Variants in PCDH15 observed in about 807,000 individuals in gnomAD.
PCDH15 encodes protocadherin-15.
PCDH15 carries 129 observed loss-of-function variants against 178.5 expected under a neutral mutation model. The ratio of observed to expected loss-of-function variants is 0.72; its 90% CI spans 0.63 to 0.84. The LOEUF is 0.84. Ranked by LOEUF, PCDH15 falls within the 40% of genes least tolerant of loss-of-function variation. The pLI, the probability that PCDH15 is intolerant of heterozygous loss-of-function variation, is 0.00. For synonymous variants in PCDH15, 800 were observed against 732.0 expected, an observed-to-expected ratio of 1.09 and a Z score of -1.50; for missense variants, 2,230 against 2,099.9, an observed-to-expected ratio of 1.06 and a Z score of -1.21.
intron 28 of PCDH15, among the ~76,000 whole-genome samples, chr10:53,850,002 G>C (rs1176158152): frequency 6.6e-6 from 1 of 151,380 alleles, no homozygotes; most frequent in Non-Finnish European, 1.5e-5. Flanking sequence ...TTGTGACTTT[G>C]AGCCATGTGA....
At position 54,358,570 on chromosome 10, in the gene PCDH15, A is replaced by G. The variant is rs552462862; in HGVS notation, c.474+10550T>C. On this transcript the variant is annotated intron_variant, in intron 5 of 37. Coordinates refer to ENST00000644397, the MANE Select transcript of PCDH15 (RefSeq NM_001384140.1). ...ACTTTTACACTGTTGGTGGGACTGT[A>G]AACTAGTTCAACCATTGTGGAAGTC... 2.1e-4 allele frequency among the ~76,000 whole-genome samples: 32 copies of G among 151,946 alleles called. 1 individual carries two copies. The South Asian group carries it at 5.6e-3, about 27-fold the overall frequency.
intron 1 of PCDH15, among the ~76,000 whole-genome samples, chr10:55,260,498 A>T (rs542318477): frequency 0.03 from 4,562 of 152,304 alleles, 122 homozygotes; most frequent in African/African-American, 0.077. Flanking sequence ...TTCAAATACT[A>T]ATAAATTAGT....
intron 2 of PCDH15, among the ~76,000 whole-genome samples, chr10:54,956,966 C>T (rs1838506799): frequency 6.6e-6 from 1 of 151,606 alleles, no homozygotes; most frequent in Non-Finnish European, 1.5e-5. Flanking sequence ...CAAAGCTGAA[C>T]CACTGTGTTA....
At chr10:54,527,734 A>G (rs1040160058) in intron 3 of PCDH15, 78 bp downstream of exon 3, 21 of 1,250,394 alleles carry the variant, frequency 1.7e-5, no homozygotes, top group Admixed American at 3.7e-5. Context: ...TAGTACCTCT[A>G]CTCATAGTAG....
At chr10:54,297,667 T>C (rs1168563099) in intron 8 of PCDH15, among the ~76,000 whole-genome samples, 1 of 152,170 alleles carries the variant, frequency 6.6e-6, no homozygotes, top group Non-Finnish European at 1.5e-5. Context: ...CTATTGGTTC[T>C]GTCCCCTTTA....
chr10:55,061,363 A>G lies in PCDH15; in HGVS notation c.-80+105213T>C, dbSNP rs1444506287. On this transcript the variant is annotated intron_variant, in intron 2 of 5. Transcript: ENST00000458638. ...CAAATTAGAACAACAAGTAGATGCT[A>G]CTATATACATTTTGGAATGGTCAAA... 7.9e-5 allele frequency among the ~76,000 whole-genome samples: 12 copies of G among 152,198 alleles called. No individual in the cohort carries two copies. In the South Asian group the frequency reaches 1.9e-3, roughly 24 times the overall value.
chr10:54,919,896 A>C (rs979538754), intron 2 of PCDH15, among the ~76,000 whole-genome samples: 2 of 152,134 alleles, frequency 1.3e-5, no homozygotes, highest in African/African-American at 4.8e-5. Context: ...GGTTTGGGAA[A>C]AAAAAAAGGC....
At chr10:54,656,496 CA>C (rs767052995) in intron 2 of PCDH15, among the ~76,000 whole-genome samples, 39 of 152,270 alleles carry the variant, frequency 2.6e-4, no homozygotes, top group Non-Finnish European at 5.1e-4. Flanking sequence ...TTAACTCACA[CA>C]GGGGTGCCCA....
At chr10:54,368,994 T>C in intron 5 of PCDH15, 126 bp downstream of exon 5, 1 of 1,057,942 alleles carries the variant, frequency 9.5e-7, no homozygotes, top group South Asian at 1.4e-5. Flanking sequence ...ATTTTTTTAA[T>C]GTTTTCTTGA....
intron 2 of PCDH15, among the ~76,000 whole-genome samples, chr10:54,977,982 G>T (rs982248634): frequency 3.5e-4 from 54 of 152,216 alleles, no homozygotes; most frequent in African/African-American, 1.2e-3. Flanking sequence ...TTTATTCTTT[G>T]GGAAAGCCTC....
chr10:55,224,499 T>C (rs1282147319), intron 1 of PCDH15, among the ~76,000 whole-genome samples: 3 of 152,034 alleles, frequency 2.0e-5, no homozygotes, highest in Admixed American at 6.6e-5. Flanking sequence ...CCCTGCTCCT[T>C]ACATGAAGCA....
rs748428624 is a variant in PCDH15 at position 54,066,779 on chromosome 10, T to C, written c.2198A>G (p.Asn733Ser). 1 of 1,613,484 alleles carries C rather than the reference T, an allele frequency of 6.2e-7. No homozygotes were observed. Among genetic ancestry groups the C allele is most frequent in the Non-Finnish European group, 8.5e-7 (1 of 1,179,632 alleles). Residue 733 changes from asparagine to serine, a missense_variant, in exon 18 of 38, where the codon AAT becomes AGT. Coordinates refer to ENST00000644397, the MANE Select transcript of PCDH15 (RefSeq NM_001384140.1). ...TACTTTTACTTGACCCACAAAGGCA[T>C]TGGCTTCTTCTTCCACCACAGATAA... ...RNLSVVEEEA[N>S]AFVGQVKATD... is the part of the protein sequence containing the mutation.
intron 2 of PCDH15, among the ~76,000 whole-genome samples, chr10:55,597,564 A>C: frequency 6.6e-6 from 1 of 152,266 alleles, no homozygotes; most frequent in Non-Finnish European, 1.5e-5. Flanking sequence ...ATGTTAACTA[A>C]ATTTCTGTCT....
chr10:55,195,486 C>CAAAAAAAA (rs34476628), intron 1 of PCDH15, among the ~76,000 whole-genome samples: 7 of 115,194 alleles, frequency 6.1e-5, no homozygotes, highest in African/African-American at 1.4e-4. Context: ...ACTAAAAATA[C>CAAAAAAAA]AAAAAAAAAA....
chr10:53,834,338 T>A (rs886142522), intron 29 of PCDH15, among the ~76,000 whole-genome samples: 4 of 152,144 alleles, frequency 2.6e-5, no homozygotes, highest in African/African-American at 9.7e-5. Context: ...TTTCCAATGG[T>A]TTCTGTAGGA....
intron 25 of PCDH15, among the ~76,000 whole-genome samples, chr10:53,935,250 A>C (rs1209693147): frequency 6.6e-6 from 1 of 152,230 alleles, no homozygotes; most frequent in Non-Finnish European, 1.5e-5. Context: ...AGCTTTTCTT[A>C]ATGCACCAAA....
intron 1 of PCDH15, among the ~76,000 whole-genome samples, chr10:54,765,212 A>G (rs1296235106): frequency 6.6e-6 from 1 of 152,196 alleles, no homozygotes; most frequent in African/African-American, 2.4e-5. Context: ...ATTATACCTT[A>G]TATGGCAAGT....
At chr10:54,736,515 A>T (rs1245787386) in intron 1 of PCDH15, among the ~76,000 whole-genome samples, 1 of 152,016 alleles carries the variant, frequency 6.6e-6, no homozygotes, top group Non-Finnish European at 1.5e-5. Flanking sequence ...TCTTCTTTCT[A>T]AGAATACTTC....
chr10:54,680,070 T>G (rs1207326286), intron 1 of PCDH15, among the ~76,000 whole-genome samples: 1 of 152,180 alleles, frequency 6.6e-6, no homozygotes, highest in African/African-American at 2.4e-5. Context: ...ATTAGCTTCT[T>G]TACAGATTTT....
Sources: allele counts gnomAD v4.1 joint callset (sites outside exome capture counted in the v4.1 genomes callset), GRCh38; gene constraint gnomAD v4.1.1; transcripts MANE v1.5; gene names NCBI Gene and HGNC (gene_info 2026-07-23, HGNC 2026-07-21).